The following SUGCT variants were observed in gnomAD, a reference collection of about 807,000 sequenced individuals.
The protein encoded by SUGCT is succinyl-CoA:glutarate CoA-transferase.
Under a neutral mutation model 55.0 loss-of-function variants are expected in SUGCT, and 41 were observed. That is an observed-to-expected ratio of 0.74 (90% CI 0.58 to 0.97). SUGCT has a LOEUF of 0.97. Ranked by LOEUF, SUGCT falls within the 50% of genes least tolerant of loss-of-function variation. SUGCT has a pLI of 0.00. For missense variants in SUGCT, 568 were observed against 547.8 expected, an observed-to-expected ratio of 1.04 and a Z score of -0.37; for synonymous variants, 187 against 200.4, an observed-to-expected ratio of 0.93 and a Z score of 0.56.
chr7:40,751,809 G>C (rs1788026385), intron 13 of SUGCT, among the ~76,000 whole-genome samples: 1 of 152,174 alleles, frequency 6.6e-6, no homozygotes, highest in Admixed American at 6.5e-5. Context: ...AAGTCAATAT[G>C]ATTGTCAGCA....
intron 13 of SUGCT, among the ~76,000 whole-genome samples, chr7:40,842,928 C>G (rs1343196324): frequency 1.3e-5 from 2 of 152,144 alleles, no homozygotes; most frequent in Non-Finnish European, 2.9e-5. Flanking sequence ...AATGCCTCAC[C>G]TTGCTTTTAG....
chr7:40,352,605 T>A (rs1157966689), intron 9 of SUGCT, among the ~76,000 whole-genome samples: 1 of 152,188 alleles, frequency 6.6e-6, no homozygotes, highest in Non-Finnish European at 1.5e-5. Flanking sequence ...CAGATAATGG[T>A]CTGCAGTTCC....
the SUGCT span, among the ~76,000 whole-genome samples, chr7:40,921,544 G>A: frequency 2.6e-5 from 4 of 152,374 alleles, no homozygotes; most frequent in African/African-American, 9.6e-5. Flanking sequence ...GCTTAGTGTA[G>A]GCTGGAATAC....
intron 4 of SUGCT, 31 bp from the exon 5 acceptor site, chr7:40,189,513 A>T (rs962724754): frequency 9.8e-5 from 80 of 812,798 alleles, no homozygotes; most frequent in Non-Finnish European, 1.2e-4. Context: ...TCATCGAAAT[A>T]ATATATATAT....
At chr7:40,425,644 T>G (rs983791692) in intron 9 of SUGCT, among the ~76,000 whole-genome samples, 3 of 152,138 alleles carry the variant, frequency 2.0e-5, no homozygotes, top group African/African-American at 7.2e-5. Flanking sequence ...AAGGAAAGAT[T>G]GGTGGGGAGC....
intron 12 of SUGCT, among the ~76,000 whole-genome samples, chr7:40,525,792 A>G (rs1260780011): frequency 6.6e-6 from 1 of 152,160 alleles, no homozygotes; most frequent in East Asian, 1.9e-4. Flanking sequence ...AGACACAATC[A>G]TGTTTTATAT....
intron 9 of SUGCT, among the ~76,000 whole-genome samples, chr7:40,430,731 G>A (rs1052190649): frequency 1.3e-5 from 2 of 152,066 alleles, no homozygotes; most frequent in African/African-American, 4.8e-5. Flanking sequence ...ACAAATTACT[G>A]CCTATGTTCT....
intron 13 of SUGCT, among the ~76,000 whole-genome samples, chr7:40,805,743 G>A (rs1408663669): frequency 6.6e-6 from 1 of 152,160 alleles, no homozygotes. Flanking sequence ...GGCCATGAGG[G>A]TATGACAAAG....
the SUGCT span, among the ~76,000 whole-genome samples, chr7:40,945,299 A>G: frequency 6.6e-6 from 1 of 152,124 alleles, no homozygotes; most frequent in Non-Finnish European, 1.5e-5. Context: ...TTCCTGATCC[A>G]GTGTTCTAGC....
chr7:40,803,442 C>G lies in SUGCT; in HGVS notation c.1153+53945C>G, dbSNP rs568264439. The stretch of plus-strand genomic sequence containing the variant: ...AAATCATGTGAGCATGTGGCAGAGC[C>G]AGATTCAAGCCCATTTTTTTCTGAC... On this transcript the variant is annotated intron_variant, in intron 13 of 13. Transcript: ENST00000335693. Among the ~76,000 whole-genome samples, 9 of 152,224 alleles carry G rather than the reference C, an allele frequency of 5.9e-5. No homozygotes were observed. The East Asian group carries it at 9.7e-4, about 16-fold the overall frequency.
chr7:40,473,929 T>C (rs1248530509), intron 11 of SUGCT, among the ~76,000 whole-genome samples: 3 of 152,076 alleles, frequency 2.0e-5, no homozygotes, highest in African/African-American at 7.2e-5. Context: ...AAAATTTCTG[T>C]CTCATATTTC....
chr7:40,910,309 C>A, the SUGCT span, among the ~76,000 whole-genome samples: 3 of 152,034 alleles, frequency 2.0e-5, no homozygotes, highest in South Asian at 6.2e-4. Flanking sequence ...AGAAAGATGG[C>A]AAAATGCCCA....
At chr7:41,016,888 A>G in the SUGCT span, among the ~76,000 whole-genome samples, 1 of 152,222 alleles carries the variant, frequency 6.6e-6, no homozygotes, top group African/African-American at 2.4e-5. Flanking sequence ...TAGACCCAAA[A>G]GTGGAAATCA....
chr7:40,769,740 C>T (rs762452765), intron 13 of SUGCT, among the ~76,000 whole-genome samples: 3 of 152,184 alleles, frequency 2.0e-5, no homozygotes, highest in Non-Finnish European at 4.4e-5. Flanking sequence ...AACAAATGCA[C>T]GTTGTTTTAA....
chr7:40,790,138 T>G (rs1305086252), intron 13 of SUGCT, among the ~76,000 whole-genome samples: 1 of 152,220 alleles, frequency 6.6e-6, no homozygotes, highest in African/African-American at 2.4e-5. Flanking sequence ...TAATCGTAGT[T>G]CCCATAATCC....
chr7:40,991,638 C>G, the SUGCT span, among the ~76,000 whole-genome samples: 4 of 152,050 alleles, frequency 2.6e-5, no homozygotes, highest in Non-Finnish European at 5.9e-5. Flanking sequence ...TGAGGCAGGC[C>G]GGAGGGAATT....
intron 11 of SUGCT, among the ~76,000 whole-genome samples, chr7:40,461,625 C>T (rs939942456): frequency 2.0e-5 from 3 of 152,170 alleles, no homozygotes; most frequent in Non-Finnish European, 4.4e-5. Context: ...GTACAATCAA[C>T]GTTAGTTGTC....
chr7:40,150,564 C>G (rs939917071), intron 1 of SUGCT, among the ~76,000 whole-genome samples: 1 of 152,044 alleles, frequency 6.6e-6, no homozygotes, highest in African/African-American at 2.4e-5. Context: ...CCCAGCTACT[C>G]GGGAGGCTGA....
intron 13 of SUGCT, among the ~76,000 whole-genome samples, chr7:40,810,775 C>T (rs1791368036): frequency 6.6e-6 from 1 of 152,070 alleles, no homozygotes; most frequent in Non-Finnish European, 1.5e-5. Context: ...AATTAGGTCC[C>T]ACTTTTCAAT....
Sources: gnomAD v4.1 joint callset for allele counts (sites outside exome capture counted in the v4.1 genomes callset) on GRCh38, gnomAD v4.1.1 for gene constraint, MANE v1.5 for transcripts, NCBI Gene and HGNC (gene_info 2026-07-23, HGNC 2026-07-21) for gene names.